The following AMPD2 variants were observed in gnomAD, a reference collection of about 807,000 sequenced individuals.
The protein encoded by AMPD2 is AMP deaminase 2.
Under a neutral mutation model 91.3 loss-of-function variants are expected in AMPD2, and 52 were observed. That is an observed-to-expected ratio of 0.57 (90% CI 0.46 to 0.72). The LOEUF is 0.72. AMPD2 is among the 30% of genes least tolerant of loss of function. The probability of loss-of-function intolerance (pLI) is 0.00; values close to 1 mark genes in which losing one functional copy is unlikely to be tolerated. For missense variants in AMPD2, 822 were observed against 1,122.3 expected (o/e 0.73, Z 3.82); for synonymous variants, 455 against 456.4 (o/e 1.00, Z 0.04).
intron 2 of AMPD2, among the ~76,000 whole-genome samples, chr1:109,621,974 G>A (rs972610521): frequency 3.9e-5 from 6 of 152,244 alleles, no homozygotes; most frequent in African/African-American, 1.4e-4. Context: ...CAGGCAGTGA[G>A]GTGCGGCAGT....
intron 2 of AMPD2, chr1:109,622,379 T>A (rs12046933): frequency 0.11 from 46,825 of 445,012 alleles, 4,190 homozygotes; most frequent in East Asian, 0.31. Context: ...ACTTGTGGGG[T>A]CAAAGCCGTG....
rs1387408113 is a variant in AMPD2 at position 109,625,604 on chromosome 1, T to C, written c.223-58T>C. ...GCCCTCACCCCATCCCCAGACTCTG[T>C]AGGAGAGTGCCCGAGGGCGGAGGGC... On this transcript the variant is annotated intron_variant, in intron 3 of 18. Coordinates refer to ENST00000528667, the MANE Select transcript of AMPD2 (RefSeq NM_001368809.2). This position sits in a 1 kb window ranked among gnomAD's most constrained non-coding sequence, Gnocchi z 4.0. 6.2e-7 allele frequency: 1 copy of C among 1,606,746 alleles called. No homozygotes were observed. The highest frequency in any genetic ancestry group is 1.7e-5 in the Admixed American group (1 of 59,746).
chr1:109,627,332 T>C lies in AMPD2; in HGVS notation c.860+16T>C. 1 of 1,606,468 alleles carries C rather than the reference T, an allele frequency of 6.2e-7. No individual in the cohort carries two copies. The highest frequency in any genetic ancestry group is 2.2e-5 in the East Asian group (1 of 44,612). ...CCGACGAGCAGTAAGAGGGGTGTGGTGCATGTTGGGGGGATGCAGCGTGGG... is the reference window on the plus strand; with the variant it reads ...CCGACGAGCAGTAAGAGGGGTGTGGCGCATGTTGGGGGGATGCAGCGTGGG... On this transcript the variant is annotated intron_variant, in intron 8 of 18. Transcript: ENST00000528667.
chr1:109,628,170 G>A lies in AMPD2; in HGVS notation c.1168G>A (p.Glu390Lys). ...GCGGGCAATGAAGCGGCACCTGGAGGAGATCGTGCACGTGGAGCAGGGCCG... is the reference window on the plus strand; with the variant it reads ...GCGGGCAATGAAGCGGCACCTGGAGAAGATCGTGCACGTGGAGCAGGGCCG... ...IKRAMKRHLE[E>K]IVHVEQGREQ... Residue 390 changes from glutamate to lysine, a missense_variant, in exon 11 of 19, where the codon GAG becomes AAG. Glu to Lys is a moderately conservative substitution (Grantham distance 56). Coordinates refer to ENST00000528667, the MANE Select transcript of AMPD2 (RefSeq NM_001368809.2). The surrounding 1 kb of genome is among the most constrained non-coding windows in gnomAD (Gnocchi z 7.1). 6.2e-7 allele frequency: 1 copy of A among 1,614,138 alleles called. No individual in the cohort carries two copies. Among genetic ancestry groups the A allele is most frequent in the Non-Finnish European group, 8.5e-7 (1 of 1,180,050 alleles).
At chr1:109,629,306 G>A (rs1350913171) in intron 14 of AMPD2, 21 bp from the exon 15 acceptor site, 9 of 1,613,940 alleles carry the variant, frequency 5.6e-6, no homozygotes, top group Non-Finnish European at 7.6e-6. Flanking sequence ...CTCTGGTTCT[G>A]ACCCCAGGGT....
Position 109,630,393 on chromosome 1 carries a change from T to A in AMPD2, c.2144T>A (p.Phe715Tyr). The A allele has an allele frequency of 6.7e-7, 1 of 1,487,216 alleles. No homozygotes were observed. Among genetic ancestry groups the A allele is most frequent in the Non-Finnish European group, 9.0e-7 (1 of 1,109,288 alleles). The allele number at this position is 1,487,216 out of a possible 1,614,324, so 92.1% of individuals were successfully genotyped here. ...VSLSTDDPLQ[F>Y]HFTKEPLMEE... ...CTGTCCACTGATGATCCCTTGCAGT[T>A]CCACTTCACCAAGGTCAGAGCCCAG... The change falls in exon 17 of 19, where the codon TTC becomes TAC. Residue 715 changes from phenylalanine to tyrosine, a missense_variant. Physicochemically the swap from Phe to Tyr is conservative, Grantham distance 22. Coordinates refer to ENST00000528667, the MANE Select transcript of AMPD2 (RefSeq NM_001368809.2).
chr1:109,628,710 G>A lies in AMPD2; in HGVS notation c.1475G>A (p.Arg492His), dbSNP rs867317000. The A allele has an allele frequency of 6.2e-7, 1 of 1,612,882 alleles. No individual in the cohort carries two copies. The change falls in exon 13 of 19, where the codon CGC (arginine) becomes CAC (histidine). Residue 492 changes from arginine to histidine, a missense_variant. Transcript: ENST00000528667. This position sits in a 1 kb window ranked among gnomAD's most constrained non-coding sequence, Gnocchi z 7.1. ...GAGCTGCGGCTCTCCATTTACGGGCGCTCGAGGGATGAGTGGGACAAGCTG... is the reference window on the plus strand; with the variant it reads ...GAGCTGCGGCTCTCCATTTACGGGCACTCGAGGGATGAGTGGGACAAGCTG... ...NAELRLSIYGRSRDEWDKLAR... is the reference protein window; with the variant it reads ...NAELRLSIYGHSRDEWDKLAR...
Position 109,628,563 on chromosome 1 carries a change from CAAG to C in AMPD2, c.1407+69_1407+71del. 1.2e-6 allele frequency: 2 copies of C among 1,611,886 alleles called. No homozygotes were observed. Among genetic ancestry groups the C allele is most frequent in the Non-Finnish European group, 1.7e-6 (2 of 1,178,946 alleles). ...CTGGGGGCTTTTAGGGGGTGAGACT[CAAG>C]GAGGGTAGGCAGATGACCCCCTGAA... On this transcript the variant is annotated intron_variant, in intron 12 of 18. Coordinates refer to ENST00000528667, the MANE Select transcript of AMPD2 (RefSeq NM_001368809.2). The surrounding 1 kb of genome is among the most constrained non-coding windows in gnomAD (Gnocchi z 7.1).
chr1:109,624,530 C>T lies in AMPD2; in HGVS notation c.92-773C>T, dbSNP rs988423158. On this transcript the variant is annotated intron_variant, in intron 2 of 18. Coordinates refer to ENST00000528667, the MANE Select transcript of AMPD2 (RefSeq NM_001368809.2). The surrounding 1 kb of genome is among the most constrained non-coding windows in gnomAD (Gnocchi z 5.2). ...TCCCCAGGGCCCTCTGTGGTGCCCC[C>T]GGTCCAGATCCTGGGGCCTGAGTGG... Among the ~76,000 whole-genome samples, 4 of 152,196 alleles carry T rather than the reference C, an allele frequency of 2.6e-5. No homozygotes were observed. Among genetic ancestry groups the T allele is most frequent in the Admixed American group, 6.5e-5 (1 of 15,288 alleles).
intron 9 of AMPD2, 114 bp from the exon 10 acceptor site, chr1:109,627,660 C>G: frequency 6.5e-7 from 1 of 1,534,190 alleles, no homozygotes. Flanking sequence ...CTACTTCCCT[C>G]TTGGCAGCCT....
Position 109,630,234 on chromosome 1 carries a change from C to A in AMPD2, c.1985C>A (p.Ala662Asp). 6 of 1,612,094 alleles carry A rather than the reference C, an allele frequency of 3.7e-6. No individual in the cohort carries two copies. Among genetic ancestry groups the A allele is most frequent in the Non-Finnish European group, 5.1e-6 (6 of 1,179,994 alleles). ...CCTCCCTCCCTGTTGCCTGCCCAGG[C>A]CCCCGTCCTGCAGTACCTGTACTAC... is the stretch of plus-strand genomic sequence containing the variant. ...NISHGLLLRK[A>D]PVLQYLYYLA... The change falls in exon 17 of 19, where the codon GCC becomes GAC. Residue 662 changes from alanine to aspartate, a missense_variant and splice_region_variant. This residue lies in a region of AMPD2 where 430 missense variants were observed against 606.0 expected (regional missense o/e 0.71). Transcript: ENST00000528667.
Position 109,625,991 on chromosome 1 carries a change from G to T in AMPD2, c.354-169G>T. The T allele has an allele frequency of 8.9e-7, 1 of 1,124,886 alleles. No homozygotes were observed. The highest frequency in any genetic ancestry group is 1.3e-6 in the Non-Finnish European group (1 of 779,076). 69.7% of individuals were successfully genotyped at this position (1,124,886 alleles called of 1,614,324 possible). On this transcript the variant is annotated intron_variant, in intron 4 of 18. Transcript: ENST00000528667. The surrounding 1 kb of genome is among the most constrained non-coding windows in gnomAD (Gnocchi z 4.0). ...GCTGGGTCATGTTGCTTAACTTATG[G>T]GTCTGCTTTCTCATCTCTAAAGTGA...
At position 109,627,453 on chromosome 1, in the gene AMPD2, C is replaced by A. The variant is rs587777393; in HGVS notation, c.885C>A (p.Tyr295Ter). ...DEHCSEVELP[Y>*]PDLQEFVADV... ...GTTGCTCAGAGGTGGAGCTGCCATA[C>A]CCTGACCTGCAGGAATTTGTGGCTG... Residue 295 changes from tyrosine to a stop codon, truncating the protein, a stop_gained, in exon 9 of 19, where the codon TAC becomes TAA. Transcript: ENST00000528667. LOFTEE classifies it high-confidence loss of function. The A allele has an allele frequency of 1.9e-6, 3 of 1,614,094 alleles. No individual in the cohort carries two copies. Among genetic ancestry groups the A allele is most frequent in the Admixed American group, 1.7e-5 (1 of 60,018 alleles).
At chr1:109,622,682 C>CT (rs1650359596) in intron 2 of AMPD2, among the ~76,000 whole-genome samples, 1 of 152,102 alleles carries the variant, frequency 6.6e-6, no homozygotes, top group Non-Finnish European at 1.5e-5. Flanking sequence ...GTCTGGCAGG[C>CT]TGGGGGGATG....
Position 109,619,997 on chromosome 1 carries a change from T to C in AMPD2, c.-544T>C. On this transcript the variant is annotated 5_prime_UTR_variant, in exon 1 of 19. Transcript: ENST00000528667. ...CGGGTCCCGCTCCCTTGGGAGCACG[T>C]GGCCTACCAGCCTCTCGATTGCAGG... 5.9e-6 allele frequency: 3 copies of C among 512,186 alleles called. No homozygotes were observed. The South Asian group carries it at 6.0e-5, about 10-fold the overall frequency. The allele number at this position is 512,186 out of a possible 1,614,324, so 31.7% of individuals were successfully genotyped here. A position where few individuals can be genotyped will look rare whatever the true frequency, so the allele number is the denominator to read the frequency against.
chr1:109,626,140 C>T lies in AMPD2; in HGVS notation c.354-20C>T. 6.2e-7 allele frequency: 1 copy of T among 1,614,000 alleles called. No individual in the cohort carries two copies. The highest frequency in any genetic ancestry group is 8.5e-7 in the Non-Finnish European group (1 of 1,179,962). On this transcript the variant is annotated intron_variant, in intron 4 of 18. Transcript: ENST00000528667. ...CCGTCCCTCGGGATCTGCCTGACTTCTCACCCCTCTTGCCTCTAGGCTGGA... is the reference window on the plus strand; with the variant it reads ...CCGTCCCTCGGGATCTGCCTGACTTTTCACCCCTCTTGCCTCTAGGCTGGA...
intron 7 of AMPD2, 44 bp from the exon 8 acceptor site, chr1:109,627,131 C>T (rs1027157226): frequency 2.5e-6 from 4 of 1,609,344 alleles, no homozygotes; most frequent in Non-Finnish European, 3.4e-6. Context: ...CAGTGGGTGG[C>T]TTGGAAGAGC....
rs1557930969 is a variant in AMPD2 at position 109,625,762 on chromosome 1, G to A, written c.323G>A (p.Arg108Gln). 1.9e-6 allele frequency: 3 copies of A among 1,614,076 alleles called. No individual in the cohort carries two copies. The highest frequency in any genetic ancestry group is 1.1e-5 in the South Asian group (1 of 91,086). Residue 108 changes from arginine (R) to glutamine (Q), a missense_variant, in exon 4 of 19, where the codon CGG becomes CAG. Coordinates refer to ENST00000528667, the MANE Select transcript of AMPD2 (RefSeq NM_001368809.2). The surrounding 1 kb of genome is among the most constrained non-coding windows in gnomAD (Gnocchi z 4.0). ...PIEQLEERRQ[R>Q]LERQISQDVK... Reference sequence around the variant, plus strand: ...GAACAGCTGGAGGAGCGGCGGCAGCGGCTGGAGCGGCAGATCAGCCAGGAT... The same window carrying A: ...GAACAGCTGGAGGAGCGGCGGCAGCAGCTGGAGCGGCAGATCAGCCAGGAT...
Position 109,627,778 on chromosome 1 carries a change from T to G in AMPD2, c.955T>G (p.Ser319Ala). ...MALIINGPIK[S>A]FCYRRLQYLS... ...CCTTGTTCTCCTCATGCCCAGAAAGTCATTCTGCTACCGCCGGCTGCAGTA... is the reference window on the plus strand; with the variant it reads ...CCTTGTTCTCCTCATGCCCAGAAAGGCATTCTGCTACCGCCGGCTGCAGTA... The change falls in exon 10 of 19, where the codon TCA (serine) becomes GCA (alanine). Residue 319 changes from serine (S) to alanine (A), a missense_variant. By Grantham distance (99) the Ser-to-Ala change is moderately conservative. This residue lies in a region of AMPD2 where 37 missense variants were observed against 84.8 expected (regional missense o/e 0.44). Coordinates refer to ENST00000528667, the MANE Select transcript of AMPD2 (RefSeq NM_001368809.2). 1 of 1,613,970 alleles carries G rather than the reference T, an allele frequency of 6.2e-7. No homozygotes were observed. The highest frequency in any genetic ancestry group is 8.5e-7 in the Non-Finnish European group (1 of 1,179,946).
Sources: gnomAD v4.1 joint callset for allele counts (sites outside exome capture counted in the v4.1 genomes callset) on GRCh38, gnomAD v4.1.1 for gene constraint, gnomAD v4.1.1 regional missense constraint, Gnocchi (gnomAD v3.1) non-coding constraint, MANE v1.5 for transcripts, NCBI Gene and HGNC (gene_info 2026-07-23, HGNC 2026-07-21) for gene names.